GLCCI1: variants seen among roughly 807,000 people sequenced by gnomAD.
The protein encoded by GLCCI1 is glucocorticoid-induced transcript 1 protein.
Under a neutral mutation model 52.2 loss-of-function variants are expected in GLCCI1, and 24 were observed. The ratio of observed to expected loss-of-function variants is 0.46; its 90% CI spans 0.33 to 0.65. The LOEUF (loss-of-function observed/expected upper bound fraction) is 0.65. Among genes scored for constraint, GLCCI1 ranks in the 30% least tolerant of loss-of-function variants. The pLI is 0.02. For synonymous variants in GLCCI1, 310 were observed against 276.5 expected (o/e 1.12, Z -1.20); for missense variants, 704 against 701.5 (o/e 1.00, Z -0.04).
intron 2 of GLCCI1, among the ~76,000 whole-genome samples, chr7:8,016,188 G>T (rs1012788894): frequency 3.9e-5 from 6 of 152,184 alleles, no homozygotes; most frequent in Non-Finnish European, 5.9e-5. Context: ...AGTTAAGATC[G>T]CCCGGGCGCG....
intron 2 of GLCCI1, among the ~76,000 whole-genome samples, chr7:8,016,868 G>T (rs865853225): frequency 1.3e-5 from 2 of 152,276 alleles, no homozygotes; most frequent in Middle Eastern, 6.8e-3. Context: ...ATGGAATTAA[G>T]TGGACAGGAA....
chr7:7,972,014 C>G (rs1220083350), intron 1 of GLCCI1, among the ~76,000 whole-genome samples: 1 of 152,200 alleles, frequency 6.6e-6, no homozygotes, highest in African/African-American at 2.4e-5. Context: ...TGTTACTTCT[C>G]CATGTCCCGC....
intron 1 of GLCCI1, among the ~76,000 whole-genome samples, chr7:8,001,750 A>G (rs1583961054): frequency 6.6e-6 from 1 of 152,362 alleles, no homozygotes; most frequent in Admixed American, 6.5e-5. Context: ...TGGCATATAT[A>G]CACCATGGAA....
intron 2 of GLCCI1, among the ~76,000 whole-genome samples, chr7:8,008,309 A>G (rs1280373411): frequency 2.7e-5 from 4 of 147,500 alleles, no homozygotes; most frequent in Non-Finnish European, 3.0e-5. Context: ...TTTTTGAGAC[A>G]GGGTCTTGTT....
At chr7:7,977,622 T>C (rs1432865088) in intron 1 of GLCCI1, among the ~76,000 whole-genome samples, 1 of 152,208 alleles carries the variant, frequency 6.6e-6, no homozygotes, top group Non-Finnish European at 1.5e-5. Flanking sequence ...TCTTATCTTC[T>C]GTGTCTTTAA....
At chr7:7,991,897 T>C (rs1314613358) in intron 1 of GLCCI1, among the ~76,000 whole-genome samples, 1 of 152,052 alleles carries the variant, frequency 6.6e-6, no homozygotes, top group African/African-American at 2.4e-5. Flanking sequence ...AACCTATTGA[T>C]GGTTTTAGTG....
Position 8,070,913 on chromosome 7 carries a change from T to C in GLCCI1, c.967-8T>C. The C allele has an allele frequency of 6.2e-7, 1 of 1,612,018 alleles. No homozygotes were observed. On this transcript the variant is annotated splice_region_variant and splice_polypyrimidine_tract_variant and intron_variant, in intron 5 of 7. Coordinates refer to ENST00000223145, the MANE Select transcript of GLCCI1 (RefSeq NM_138426.4). ...GCATTTGGATGTTTAATGGTATTCC[T>C]CTTACAGCCGTTGGACATACCAGAT...
chr7:8,004,958 C>T (rs1341206368), intron 2 of GLCCI1, among the ~76,000 whole-genome samples: 1 of 152,170 alleles, frequency 6.6e-6, no homozygotes, highest in African/African-American at 2.4e-5. Context: ...TTGTCATTTT[C>T]TCAGGCAAGC....
chr7:7,971,650 TTGTTTTTC>T (rs1397507602), intron 1 of GLCCI1, among the ~76,000 whole-genome samples: 4 of 152,198 alleles, frequency 2.6e-5, no homozygotes, highest in Non-Finnish European at 5.9e-5. Context: ...ATAGTACAAC[TTGTTTTTC>T]TGCATCCTTC....
At chr7:8,076,870 C>G (rs10952083) in intron 6 of GLCCI1, among the ~76,000 whole-genome samples, 21,344 of 151,868 alleles carry the variant, frequency 0.14, 1,608 homozygotes, top group Admixed American at 0.19. Flanking sequence ...TCATGATATG[C>G]CCATTTTTTA....
Position 7,969,614 on chromosome 7 carries a change from C to G in GLCCI1, c.264C>G (p.Ala88=). 1 of 1,028,354 alleles carries G rather than the reference C, an allele frequency of 9.7e-7. No homozygotes were observed. Among genetic ancestry groups the G allele is most frequent in the Non-Finnish European group, 1.2e-6 (1 of 859,942 alleles). 63.7% of individuals were successfully genotyped at this position (1,028,354 alleles called of 1,614,324 possible). The change falls in exon 1 of 8, where the codon GCC becomes GCG. Residue 88 remains alanine, a synonymous_variant. Transcript: ENST00000223145. The surrounding 1 kb of genome is among the most constrained non-coding windows in gnomAD (Gnocchi z 4.9). The part of the protein sequence containing the change: ...HSPTRPPVAA[A]AASLGSLPGP... The stretch of plus-strand genomic sequence containing the variant: ...CCACGCGTCCGCCCGTCGCCGCTGC[C>G]GCCGCCTCGCTGGGCAGCCTCCCGG...
At chr7:7,972,355 G>A (rs149778931) in intron 1 of GLCCI1, among the ~76,000 whole-genome samples, 1 of 152,216 alleles carries the variant, frequency 6.6e-6, no homozygotes, top group Admixed American at 6.5e-5. Flanking sequence ...GCGCAAGAGG[G>A]TGTTAAAACT....
intron 5 of GLCCI1, among the ~76,000 whole-genome samples, chr7:8,064,126 T>A (rs1432104108): frequency 1.3e-5 from 2 of 152,202 alleles, no homozygotes; most frequent in African/African-American, 4.8e-5. Flanking sequence ...ATTTGTCAAT[T>A]TTTGTTTTTG....
At chr7:8,007,957 GTAGT>G (rs1781190107) in intron 2 of GLCCI1, among the ~76,000 whole-genome samples, 1 of 152,106 alleles carries the variant, frequency 6.6e-6, no homozygotes, top group Admixed American at 6.5e-5. Flanking sequence ...AATTAAAAAA[GTAGT>G]TAATTTTAAT....
intron 1 of GLCCI1, chr7:7,980,996 A>C (rs1473467054): frequency 1.8e-6 from 1 of 548,876 alleles, no homozygotes; most frequent in Non-Finnish European, 3.4e-6. Context: ...GATCATTTCA[A>C]ACGAAGGTCA....
At chr7:7,998,341 G>C (rs187291234) in intron 1 of GLCCI1, among the ~76,000 whole-genome samples, 74 of 152,084 alleles carry the variant, frequency 4.9e-4, no homozygotes, top group African/African-American at 1.7e-3. Context: ...TCAGCCTCCT[G>C]AGTAGCTGGG....
intron 6 of GLCCI1, among the ~76,000 whole-genome samples, chr7:8,071,629 T>C (rs1782764390): frequency 6.6e-6 from 1 of 152,212 alleles, no homozygotes; most frequent in African/African-American, 2.4e-5. Context: ...GTAGATAAAT[T>C]ATTAACTGTT....
intron 1 of GLCCI1, among the ~76,000 whole-genome samples, chr7:7,971,442 T>G (rs1300963623): frequency 2.0e-5 from 3 of 152,222 alleles, no homozygotes; most frequent in Admixed American, 1.3e-4. Flanking sequence ...TTTTAGTGAT[T>G]TCGCTTCAAC....
At chr7:8,037,586 A>C (rs1372055109) in intron 3 of GLCCI1, among the ~76,000 whole-genome samples, 2 of 152,214 alleles carry the variant, frequency 1.3e-5, no homozygotes, top group African/African-American at 4.8e-5. Context: ...TGCTCCACTT[A>C]AAAGATACAG....
Sources: allele counts gnomAD v4.1 joint callset (sites outside exome capture counted in the v4.1 genomes callset), GRCh38; gene constraint gnomAD v4.1.1; non-coding constraint Gnocchi (gnomAD v3.1); transcripts MANE v1.5; gene names NCBI Gene and HGNC (gene_info 2026-07-23, HGNC 2026-07-21).